The following FBN2 variants were observed in gnomAD, a reference collection of about 807,000 sequenced individuals.
The protein encoded by FBN2 is fibrillin-2.
A neutral mutation model predicts 355.6 loss-of-function variants in FBN2; 105 were observed. The observed-to-expected ratio is 0.30, with a 90% CI of 0.25 to 0.35. The LOEUF is 0.35. Ranked by LOEUF, FBN2 falls within the 10% of genes least tolerant of loss-of-function variation. FBN2 has a pLI of 1.00. For missense variants in FBN2, 3,280 were observed against 3,758.7 expected (o/e 0.87, Z 3.33); for synonymous variants, 1,350 against 1,301.2 (o/e 1.04, Z -0.81).
chr5:128,422,605 T>G (rs1753378199), intron 7 of FBN2, among the ~76,000 whole-genome samples: 2 of 152,166 alleles, frequency 1.3e-5, no homozygotes, highest in Non-Finnish European at 2.9e-5. Flanking sequence ...GGTGATGGAA[T>G]TAATGTGCAG....
Position 128,334,792 on chromosome 5 carries a change from C to T in FBN2, c.4026G>A (p.Glu1342=), listed in dbSNP as rs760607554. The change falls in exon 31 of 65, where the codon GAG becomes GAA. Residue 1342 remains glutamate (E), a synonymous_variant. Transcript: ENST00000262464. The part of the protein sequence containing the change: ...NSNICMFGEC[E]NTKGSFICHC... The stretch of plus-strand genomic sequence containing the variant: ...GGCAAATGAAGGATCCCTTTGTGTT[C>T]TCACATTCCCCAAACATGCAGATAT... 6.2e-7 allele frequency: 1 copy of T among 1,613,316 alleles called. No individual in the cohort carries two copies. The highest frequency in any genetic ancestry group is 1.7e-5 in the Admixed American group (1 of 60,022).
At position 128,445,061 on chromosome 5, in the gene FBN2, G is replaced by A. The variant is rs1049153929; in HGVS notation, c.952+1420C>T. ...CAGATCCCTGAGTTTTTGGTCTAAT[G>A]TGGGTGCTTCTTCAGGTAATTCAGA... is the stretch of plus-strand genomic sequence containing the variant. On this transcript the variant is annotated intron_variant, in intron 7 of 64. Coordinates refer to ENST00000262464, the MANE Select transcript of FBN2 (RefSeq NM_001999.4). 1.3e-4 allele frequency among the ~76,000 whole-genome samples: 20 copies of A among 152,170 alleles called. 1 individual carries two copies. The highest frequency in any genetic ancestry group is 1.0e-3 in the Admixed American group (16 of 15,282).
At chr5:128,516,690 CATAT>C (rs1756289794) in intron 5 of FBN2, among the ~76,000 whole-genome samples, 1 of 152,020 alleles carries the variant, frequency 6.6e-6, no homozygotes, top group South Asian at 2.1e-4. Flanking sequence ...TAACAAAGAA[CATAT>C]ATTTTGAAAT....
rs1161895961 is a variant in FBN2, at chr5:128,344,279, T to A, written c.3343+106A>T. The A allele has an allele frequency of 3.4e-6, 4 of 1,181,782 alleles. No homozygotes were observed. The South Asian group carries it at 5.4e-5, about 16-fold the overall frequency. 73.2% of individuals were successfully genotyped at this position (1,181,782 alleles called of 1,614,324 possible). A position where few individuals can be genotyped will look rare whatever the true frequency, so the allele number is the denominator to read the frequency against. ...AAAGAAATTAATAAATAAATAAAAA[T>A]TTTCATGTTCTCAATGAGAGGATTA... is the stretch of plus-strand genomic sequence containing the variant. On this transcript the variant is annotated intron_variant, in intron 25 of 64. Coordinates refer to ENST00000262464, the MANE Select transcript of FBN2 (RefSeq NM_001999.4).
chr5:128,342,806 A>C (rs1431617454), intron 25 of FBN2, among the ~76,000 whole-genome samples: 1 of 151,284 alleles, frequency 6.6e-6, no homozygotes, highest in African/African-American at 2.4e-5. Context: ...TCGGCTCACC[A>C]AAACCTCCGC....
chr5:128,422,340 G>A (rs994867686), intron 7 of FBN2, among the ~76,000 whole-genome samples: 3 of 152,142 alleles, frequency 2.0e-5, no homozygotes, highest in Admixed American at 1.3e-4. Flanking sequence ...GGGAACACAA[G>A]CAATTTTACA....
intron 11 of FBN2, among the ~76,000 whole-genome samples, chr5:128,386,540 G>GT (rs1036571570): frequency 1.3e-5 from 2 of 152,052 alleles, no homozygotes; most frequent in East Asian, 1.9e-4. Flanking sequence ...TTTAAAATAG[G>GT]TTTTTTTCTA....
At chr5:128,401,385 T>C (rs1752794452) in intron 8 of FBN2, among the ~76,000 whole-genome samples, 1 of 152,212 alleles carries the variant, frequency 6.6e-6, no homozygotes, top group Admixed American at 6.5e-5. Context: ...TTACTAAATA[T>C]CCAAGAACAT....
Position 128,288,510 on chromosome 5 carries a change from T to G in FBN2, c.6685A>C (p.Thr2229Pro), listed in dbSNP as rs1341740762. 1 of 1,613,640 alleles carries G rather than the reference T, an allele frequency of 6.2e-7. No individual in the cohort carries two copies. Among genetic ancestry groups the G allele is most frequent in the Admixed American group, 1.7e-5 (1 of 59,996 alleles). Reference protein sequence around the residue: ...IGNPCGNGTCTNVIGSFECNC... With the variant: ...IGNPCGNGTCPNVIGSFECNC... ...CATTCAAAACTCCCAATAACATTGG[T>G]GCATGTACCATTTCCACACGGATTG... The change falls in exon 53 of 65, where the codon ACC becomes CCC. Residue 2229 changes from threonine to proline, a missense_variant. By Grantham distance (38) the Thr-to-Pro change is conservative. This residue lies in a region of FBN2 where 2,284 missense variants were observed against 2,749.5 expected (regional missense o/e 0.83). Transcript: ENST00000262464.
intron 7 of FBN2, among the ~76,000 whole-genome samples, chr5:128,409,651 A>G (rs2127001196): frequency 6.6e-6 from 1 of 152,294 alleles, no homozygotes; most frequent in Non-Finnish European, 1.5e-5. Flanking sequence ...TGTGAGAAAA[A>G]TCCACCCAAA....
At chr5:128,287,512 G>A in intron 53 of FBN2, 82 bp from the exon 54 acceptor site, 1 of 1,501,902 alleles carries the variant, frequency 6.7e-7, no homozygotes, top group Non-Finnish European at 9.2e-7. Flanking sequence ...CATTTACTTG[G>A]CGGTCATACA....
chr5:128,261,880 G>T lies in FBN2; in HGVS notation c.8220C>A (p.Asn2740Lys). 1 of 1,614,100 alleles carries T rather than the reference G, an allele frequency of 6.2e-7. No homozygotes were observed. The highest frequency in any genetic ancestry group is 8.5e-7 in the Non-Finnish European group (1 of 1,179,930). ...TATCCAGTGACAGGTACTGCCCCTT[G>T]TTAAATCCCATTCCTGAGACACAGT... ...QGHCVSGMGFNKGQYLSLDTE... is the reference protein window; with the variant it reads ...QGHCVSGMGFKKGQYLSLDTE... The change falls in exon 64 of 65, where the codon AAC (asparagine) becomes AAA (lysine). Residue 2740 changes from asparagine (N) to lysine (K), a missense_variant. Around this residue, in one of 6 missense-constraint regions of FBN2, gnomAD observed 311 missense variants for 319.1 expected, o/e 0.97. Transcript: ENST00000262464.
In FBN2 at chr5:128,273,907, A is replaced by G. The variant is rs1554116608; in HGVS notation, c.7773T>C (p.Thr2591=). ...LCGAKGICQN[T]PGSFSCECQR... ...GGCATTCACAGCTGAAACTGCCTGG[A>G]GTGTTTTGACAGATTCCCTTTGCTC... Residue 2591 remains threonine (T), a synonymous_variant, in exon 61 of 65, where the codon ACT becomes ACC. Transcript: ENST00000262464. 1 of 1,613,922 alleles carries G rather than the reference A, an allele frequency of 6.2e-7. No homozygotes were observed. Among genetic ancestry groups the G allele is most frequent in the East Asian group, 2.2e-5 (1 of 44,852 alleles).
chr5:128,491,826 T>C (rs1453233343), intron 5 of FBN2, among the ~76,000 whole-genome samples: 1 of 152,216 alleles, frequency 6.6e-6, no homozygotes, highest in Admixed American at 6.5e-5. Context: ...ACCACAATTA[T>C]TCAAATATTT....
chr5:128,351,154 G>T, intron 20 of FBN2, 149 bp from the exon 21 acceptor site: 1 of 944,402 alleles, frequency 1.1e-6, no homozygotes, highest in Non-Finnish European at 1.6e-6. Context: ...AGGCTGAGGA[G>T]GAAGGATCAT....
intron 42 of FBN2, 48 bp from the exon 43 acceptor site, chr5:128,305,996 A>G (rs769124754): frequency 5.1e-6 from 8 of 1,558,490 alleles, no homozygotes; most frequent in Non-Finnish European, 7.1e-6. Context: ...TGTTTAATAT[A>G]CTTACCATAT....
chr5:128,292,302 C>A (rs985179533), intron 48 of FBN2, among the ~76,000 whole-genome samples: 1 of 152,130 alleles, frequency 6.6e-6, no homozygotes, highest in African/African-American at 2.4e-5. Flanking sequence ...TTCCCCAGAA[C>A]GCTTCCTTAA....
chr5:128,296,275 C>G (rs1749507586), intron 48 of FBN2, among the ~76,000 whole-genome samples: 1 of 151,548 alleles, frequency 6.6e-6, no homozygotes, highest in Non-Finnish European at 1.5e-5. Context: ...CAATGTTCAT[C>G]AAGGATATTG....
At chr5:128,482,319 C>A (rs1755215578) in intron 5 of FBN2, among the ~76,000 whole-genome samples, 1 of 151,970 alleles carries the variant, frequency 6.6e-6, no homozygotes, top group Non-Finnish European at 1.5e-5. Flanking sequence ...ACGATGAAGG[C>A]AGTAAAGGGC....
Sources: gnomAD v4.1 joint callset for allele counts (sites outside exome capture counted in the v4.1 genomes callset) on GRCh38, gnomAD v4.1.1 for gene constraint, gnomAD v4.1.1 regional missense constraint, MANE v1.5 for transcripts, NCBI Gene and HGNC (gene_info 2026-07-23, HGNC 2026-07-21) for gene names.